Variants in GANC observed in about 807,000 individuals in gnomAD.
GANC encodes the protein neutral alpha-glucosidase C.
In GANC, 117 loss-of-function variants were observed where a neutral mutation model predicts 124.2. That is an observed-to-expected ratio of 0.94 (90% CI 0.81 to 1.10). The LOEUF (loss-of-function observed/expected upper bound fraction) is 1.10, where lower values mean the gene tolerates loss of function less well. Ranked by LOEUF, GANC falls within the 50% of genes least tolerant of loss-of-function variation. The probability of loss-of-function intolerance (pLI) is 0.00; values close to 1 mark genes in which losing one functional copy is unlikely to be tolerated. For synonymous variants in GANC, 377 were observed against 376.8 expected (o/e 1.00, Z -0.01); for missense variants, 1,140 against 1,095.0 (o/e 1.04, Z -0.58).
At chr15:42,278,696 A>G in intron 3 of GANC, 106 bp downstream of exon 3, 1 of 758,216 alleles carries the variant, frequency 1.3e-6, no homozygotes, top group South Asian at 1.9e-5. Flanking sequence ...CCTCGTTAGA[A>G]AAGGAATATC....
At chr15:42,305,681 T>C (rs1313183606) in intron 6 of GANC, among the ~76,000 whole-genome samples, 2 of 152,206 alleles carry the variant, frequency 1.3e-5, no homozygotes, top group Non-Finnish European at 1.5e-5. Flanking sequence ...TAGCAAAGAC[T>C]TGGAACCAAC....
Position 42,292,801 on chromosome 15 carries a change from C to T in GANC, c.396C>T (p.Cys132=). Residue 132 remains cysteine, a synonymous_variant, in exon 5 of 24, where the codon TGC becomes TGT. Coordinates refer to ENST00000318010, the MANE Select transcript of GANC (RefSeq NM_198141.3). ...CAGATGGAAAAGGAGACCTGAAGTG[C>T]CATATCACAGCAAACCCATTCAAGG... ...ILADGKGDLK[C]HITANPFKVD... is the part of the protein sequence containing the mutation. The T allele has an allele frequency of 1.9e-6, 3 of 1,614,094 alleles. No individual in the cohort carries two copies. The highest frequency in any genetic ancestry group is 2.5e-6 in the Non-Finnish European group (3 of 1,179,978).
At chr15:42,297,198 A>T (rs919107856) in intron 5 of GANC, among the ~76,000 whole-genome samples, 4 of 152,204 alleles carry the variant, frequency 2.6e-5, no homozygotes, top group African/African-American at 9.7e-5. Flanking sequence ...GAGCATGTTT[A>T]ACATTTATAA....
chr15:42,283,581 A>C, intron 3 of GANC: 1 of 696,262 alleles, frequency 1.4e-6, no homozygotes, highest in African/African-American at 1.7e-5. Flanking sequence ...ATAGGTGACC[A>C]TTTGGCAACA....
intron 19 of GANC, among the ~76,000 whole-genome samples, chr15:42,343,644 G>T (rs2052343485): frequency 6.6e-6 from 1 of 152,094 alleles, no homozygotes; most frequent in Non-Finnish European, 1.5e-5. Context: ...ATTAGTTATT[G>T]TCACTAATTA....
intron 3 of GANC, among the ~76,000 whole-genome samples, chr15:42,279,866 C>A (rs2051714433): frequency 1.3e-5 from 2 of 152,040 alleles, no homozygotes; most frequent in Non-Finnish European, 2.9e-5. Context: ...TAGTTCCTGC[C>A]CTGCAGCGCT....
intron 15 of GANC, among the ~76,000 whole-genome samples, 191 bp downstream of exon 15, chr15:42,330,863 C>T (rs2052239477): frequency 6.9e-6 from 1 of 144,868 alleles, no homozygotes; most frequent in East Asian, 2.1e-4. Flanking sequence ...TCATGACTCA[C>T]TGCAGCATTG....
chr15:42,273,268 A>G lies in GANC; in HGVS notation c.-1214A>G, dbSNP rs760569422. 6.2e-7 allele frequency: 1 copy of G among 1,613,518 alleles called. No homozygotes were observed. Among genetic ancestry groups the G allele is most frequent in the South Asian group, 1.1e-5 (1 of 91,030 alleles). ...GTGAATACTCACCGACGGTATCGGA[A>G]TGTGCCATTTGGACCGGTCGGCAGC... is the stretch of plus-strand genomic sequence containing the variant. On this transcript the variant is annotated 5_prime_UTR_variant, in exon 1 of 24. It removes an upstream start codon present in the reference 5' UTR. Coordinates refer to ENST00000318010, the MANE Select transcript of GANC (RefSeq NM_198141.3).
intron 10 of GANC, among the ~76,000 whole-genome samples, chr15:42,317,923 G>A (rs1040640881): frequency 2.0e-5 from 3 of 152,172 alleles, no homozygotes; most frequent in Non-Finnish European, 4.4e-5. Flanking sequence ...ATTATTTGTT[G>A]ACTCCTGCTG....
In GANC at chr15:42,329,309, T is replaced by A. The variant is rs1167965841; in HGVS notation, c.1504T>A (p.Ser502Thr). The A allele has an allele frequency of 6.2e-7, 1 of 1,613,012 alleles. No individual in the cohort carries two copies. The highest frequency in any genetic ancestry group is 1.7e-4 in the Middle Eastern group (1 of 6,054). The change falls in exon 14 of 24, where the codon TCT (serine) becomes ACT (threonine). Residue 502 changes from serine (S) to threonine (T), a missense_variant. Coordinates refer to ENST00000318010, the MANE Select transcript of GANC (RefSeq NM_198141.3). ...SLFAFPVYQG[S>T]TDILFLWNDM... Reference sequence around the variant, plus strand: ...ATGACCAAGGTTTACTTCCTAGGGATCTACGGACATCCTCTTCCTTTGGAA... The same window carrying A: ...ATGACCAAGGTTTACTTCCTAGGGAACTACGGACATCCTCTTCCTTTGGAA...
intron 11 of GANC, among the ~76,000 whole-genome samples, chr15:42,323,041 A>G (rs2052173642): frequency 6.6e-6 from 1 of 152,226 alleles, no homozygotes; most frequent in Non-Finnish European, 1.5e-5. Flanking sequence ...TAGTTACCAT[A>G]TATCAAGCTG....
At chr15:42,337,446 C>T (rs893178426) in intron 15 of GANC, among the ~76,000 whole-genome samples, 10 of 152,044 alleles carry the variant, frequency 6.6e-5, no homozygotes, top group African/African-American at 2.2e-4. Context: ...CCTTAGCAAA[C>T]TAATGCAGAA....
rs1011396441 is a variant in GANC at position 42,352,822 on chromosome 15, G to A, written c.*683G>A. ...ACTAACCAAATAATATTTATAACAT[G>A]AGTAAGCTATAATTAATAACAATGA... is the stretch of plus-strand genomic sequence containing the variant. On this transcript the variant is annotated 3_prime_UTR_variant, in exon 24 of 24. Transcript: ENST00000318010. 1.5e-6 allele frequency: 1 copy of A among 684,418 alleles called. No individual in the cohort carries two copies. The highest frequency in any genetic ancestry group is 2.0e-5 in the African/African-American group (1 of 51,094). 42.4% of individuals were successfully genotyped at this position (684,418 alleles called of 1,614,324 possible). A position where few individuals can be genotyped will look rare whatever the true frequency, so the allele number is the denominator to read the frequency against.
chr15:42,349,632 TTTTTCTTTTCTTTTC>T, intron 22 of GANC, 137 bp downstream of exon 22: 1 of 631,942 alleles, frequency 1.6e-6, no homozygotes, highest in Non-Finnish European at 2.8e-6. Context: ...CCGGAATATT[TTTTTCTTTTCTTTTC>T]TTTTCTTTTT....
intron 18 of GANC, among the ~76,000 whole-genome samples, chr15:42,341,763 C>CT (rs1245941080): frequency 6.6e-6 from 1 of 152,096 alleles, no homozygotes; most frequent in East Asian, 1.9e-4. Flanking sequence ...GGGGTTTCGT[C>CT]TTGCTGCCCA....
chr15:42,278,513 A>G lies in GANC; in HGVS notation c.124A>G (p.Thr42Ala), dbSNP rs1470105170. Reference protein sequence around the residue: ...RQKQWLSKKSTYQALLDSVTT... With the variant: ...RQKQWLSKKSAYQALLDSVTT... ...GAAACAGTGGCTTTCCAAGAAGTCC[A>G]CCTATCAGGCATTATTGGATTCAGT... is the stretch of plus-strand genomic sequence containing the variant. The change falls in exon 3 of 24, where the codon ACC (threonine) becomes GCC (alanine). Residue 42 changes from threonine (T) to alanine (A), a missense_variant. Transcript: ENST00000318010. The G allele has an allele frequency of 1.1e-5, 18 of 1,611,750 alleles. No homozygotes were observed. In the Admixed American group the frequency reaches 2.4e-4, roughly 21 times the overall value.
Position 42,319,154 on chromosome 15 carries a change from C to T in GANC, c.1058-2631C>T, listed in dbSNP as rs936510437. Among the ~76,000 whole-genome samples the T allele has an allele frequency of 5.3e-5, 8 of 151,980 alleles. No individual in the cohort carries two copies. The South Asian group carries it at 1.2e-3, about 24-fold the overall frequency. On this transcript the variant is annotated intron_variant, in intron 10 of 23. Coordinates refer to ENST00000318010, the MANE Select transcript of GANC (RefSeq NM_198141.3). The stretch of plus-strand genomic sequence containing the variant: ...CTGCTTTCAAGGAGCTCTTTCTTAT[C>T]CTCTGATGGTTCCTTGGTTTTTGTT...
intron 16 of GANC, 132 bp from the exon 17 acceptor site, chr15:42,339,537 C>A: frequency 1.9e-6 from 2 of 1,062,470 alleles, no homozygotes; most frequent in Non-Finnish European, 2.7e-6. Context: ...CTGTTTGAGG[C>A]CACGGCTTTA....
chr15:42,307,582 T>C (rs2052010529), intron 7 of GANC, among the ~76,000 whole-genome samples: 1 of 152,216 alleles, frequency 6.6e-6, no homozygotes, highest in African/African-American at 2.4e-5. Flanking sequence ...TCAAATACTT[T>C]AACCTAAGCA....
Sources: allele counts gnomAD v4.1 joint callset (sites outside exome capture counted in the v4.1 genomes callset), GRCh38; gene constraint gnomAD v4.1.1; transcripts MANE v1.5; gene names NCBI Gene and HGNC (gene_info 2026-07-23, HGNC 2026-07-21).